The following FILIP1L variants were observed in gnomAD, a reference collection of about 807,000 sequenced individuals.
FILIP1L encodes filamin A interacting protein 1 like.
Under a neutral mutation model 96.6 loss-of-function variants are expected in FILIP1L, and 55 were observed. That is an observed-to-expected ratio of 0.57 (90% CI 0.46 to 0.71). FILIP1L has a LOEUF of 0.71. Ranked by LOEUF, FILIP1L falls within the 30% of genes least tolerant of loss-of-function variation. The probability of loss-of-function intolerance (pLI) is 0.00; values close to 1 mark genes in which losing one functional copy is unlikely to be tolerated. For synonymous variants in FILIP1L, 467 were observed against 473.9 expected (o/e 0.99, Z 0.19); for missense variants, 1,304 against 1,321.2 (o/e 0.99, Z 0.20).
At position 99,848,671 on chromosome 3, in the gene FILIP1L, A is replaced by G. The variant is rs1343988647; in HGVS notation, c.3005T>C (p.Ile1002Thr). The G allele has an allele frequency of 1.9e-6, 3 of 1,614,064 alleles. No homozygotes were observed. The African/African-American group carries it at 4.0e-5, about 22-fold the overall frequency. The part of the protein sequence containing the change: ...SLTPERTMSP[I>T]QVLAVTGSAS... Reference sequence around the variant, plus strand: ...TGAACCAGTCACAGCCAAAACCTGAATAGGGGACATTGTCCTTTCTGGAGT... The same window carrying G: ...TGAACCAGTCACAGCCAAAACCTGAGTAGGGGACATTGTCCTTTCTGGAGT... Residue 1002 changes from isoleucine (I) to threonine (T), a missense_variant, in exon 5 of 6, where the codon ATT becomes ACT. By Grantham distance (89) the Ile-to-Thr change is moderately conservative. Transcript: ENST00000477258.
chr3:99,885,550 T>A (rs1334832809), intron 4 of FILIP1L, among the ~76,000 whole-genome samples: 2 of 152,256 alleles, frequency 1.3e-5, no homozygotes, highest in East Asian at 3.8e-4. Context: ...CTTACTTTGA[T>A]ACTTCTTCAT....
At chr3:99,919,651 A>T (rs1014784147) in intron 4 of FILIP1L, among the ~76,000 whole-genome samples, 2 of 152,040 alleles carry the variant, frequency 1.3e-5, no homozygotes, top group Non-Finnish European at 2.9e-5. Context: ...TGATTTACTC[A>T]GTTAACAGTA....
intron 3 of FILIP1L, among the ~76,000 whole-genome samples, chr3:99,926,085 G>A (rs566788122): frequency 6.6e-6 from 1 of 152,212 alleles, no homozygotes; most frequent in Non-Finnish European, 1.5e-5. Context: ...AAAAGATTTA[G>A]AATGTGTGAC....
intron 1 of FILIP1L, among the ~76,000 whole-genome samples, chr3:99,975,794 A>G (rs562173568): frequency 3.9e-5 from 6 of 152,360 alleles, no homozygotes; most frequent in South Asian, 2.1e-4. Flanking sequence ...AAAGTCGTGT[A>G]TATGTTGAGT....
At chr3:100,029,113 C>T (rs1320262652) in intron 1 of FILIP1L, among the ~76,000 whole-genome samples, 4 of 151,954 alleles carry the variant, frequency 2.6e-5, no homozygotes, top group Non-Finnish European at 1.5e-5. Context: ...ATTGCTTGAG[C>T]TCAGGAGTTC....
chr3:99,838,150 A>G (rs1942975409), intron 5 of FILIP1L, among the ~76,000 whole-genome samples: 1 of 152,226 alleles, frequency 6.6e-6, no homozygotes, highest in South Asian at 2.1e-4. Context: ...TAAAGTGGAC[A>G]CTGACTGCAC....
At chr3:100,064,394 C>A (rs1017607753) in intron 1 of FILIP1L, among the ~76,000 whole-genome samples, 1 of 151,786 alleles carries the variant, frequency 6.6e-6, no homozygotes, top group Non-Finnish European at 1.5e-5. Flanking sequence ...ACCCCCCCAA[C>A]ACCCTTTTTT....
chr3:100,025,623 G>A (rs1202479121), intron 1 of FILIP1L: 2 of 152,168 alleles, frequency 1.3e-5, no homozygotes, highest in Non-Finnish European at 2.9e-5. Context: ...TAGACAAAGT[G>A]AAACAAGTCT....
chr3:99,938,628 G>A (rs1212411205), intron 1 of FILIP1L, among the ~76,000 whole-genome samples: 1 of 152,172 alleles, frequency 6.6e-6, no homozygotes, highest in Non-Finnish European at 1.5e-5. Context: ...CTGAAAGAAT[G>A]GAAAGAGATG....
intron 4 of FILIP1L, among the ~76,000 whole-genome samples, chr3:99,905,616 G>A (rs1706589860): frequency 6.6e-6 from 1 of 152,142 alleles, no homozygotes; most frequent in African/African-American, 2.4e-5. Flanking sequence ...TTACATATGT[G>A]TGTACTATAT....
At chr3:100,051,577 T>A (rs1025481789) in intron 1 of FILIP1L, among the ~76,000 whole-genome samples, 2 of 142,898 alleles carry the variant, frequency 1.4e-5, no homozygotes, top group Admixed American at 1.5e-4. Flanking sequence ...TCATTGTTCA[T>A]TTCCCACCTA....
chr3:100,023,790 C>T (rs1245644723), intron 1 of FILIP1L, among the ~76,000 whole-genome samples: 1 of 152,178 alleles, frequency 6.6e-6, no homozygotes, highest in African/African-American at 2.4e-5. Context: ...CTCTGCATGT[C>T]TTACTCTCAG....
At position 99,830,559 on chromosome 3, in the gene FILIP1L, G is replaced by A. The variant is rs529135563; in HGVS notation, c.3428C>T (p.Pro1143Leu). The change falls in exon 6 of 6, where the codon CCG (proline) becomes CTG (leucine). Residue 1143 changes from proline to leucine, a missense_variant. Transcript: ENST00000477258. ...AATCTTGGTGATGCCTGTAGATTTCGGTTTAGGGATCCGTGCTGGGATTCT... is the reference window on the plus strand; with the variant it reads ...AATCTTGGTGATGCCTGTAGATTTCAGTTTAGGGATCCGTGCTGGGATTCT... ...KQRIPARIPKPKSTGITKIST... is the reference protein window; with the variant it reads ...KQRIPARIPKLKSTGITKIST... 2.0e-3 allele frequency: 914 copies of A among 456,642 alleles called. 12 individuals carry two copies. The highest frequency in any genetic ancestry group is 0.011 in the South Asian group (704 of 64,568). The allele number at this position is 456,642 out of a possible 1,614,324, so 28.3% of individuals were successfully genotyped here. A position where few individuals can be genotyped will look rare whatever the true frequency, so the allele number is the denominator to read the frequency against.
At chr3:99,840,701 A>G (rs554216224) in intron 5 of FILIP1L, among the ~76,000 whole-genome samples, 1 of 152,346 alleles carries the variant, frequency 6.6e-6, no homozygotes, top group Non-Finnish European at 1.5e-5. Context: ...CAAGACTTCA[A>G]ATTCAGAAGT....
chr3:99,998,023 C>G (rs1336578218), intron 1 of FILIP1L, among the ~76,000 whole-genome samples: 2 of 152,182 alleles, frequency 1.3e-5, no homozygotes, highest in African/African-American at 2.4e-5. Context: ...AACCAGTTAA[C>G]TGGTGTGGAA....
At chr3:100,094,959 A>ATTG (rs2066178992) in intron 1 of FILIP1L, among the ~76,000 whole-genome samples, 1 of 152,040 alleles carries the variant, frequency 6.6e-6, no homozygotes, top group Non-Finnish European at 1.5e-5. Context: ...AAGTGCTGGG[A>ATTG]TTACAGGAGT....
chr3:100,038,757 TCCCAAGTAG>T (rs1282004964), intron 1 of FILIP1L, among the ~76,000 whole-genome samples: 1 of 152,124 alleles, frequency 6.6e-6, no homozygotes, highest in Non-Finnish European at 1.5e-5. Flanking sequence ...CACCTCAGCC[TCCCAAGTAG>T]CTGAGATTAC....
intron 1 of FILIP1L, chr3:100,051,117 A>G (rs887798353): frequency 6.6e-6 from 1 of 152,144 alleles, no homozygotes; most frequent in African/African-American, 2.4e-5. Flanking sequence ...ACTTATTATA[A>G]AGACAGTTGT....
rs10935982 is a variant in FILIP1L, at chr3:99,840,221, CTTTTTTTTTTT to C, written c.3381+8063_3381+8073del. 3.0e-3 allele frequency among the ~76,000 whole-genome samples: 303 copies of C among 102,138 alleles called. 8 individuals carry two copies. The Admixed American group carries it at 0.032, about 11-fold the overall frequency. The allele number at this position is 102,138 out of a possible 152,430, so 67.0% of individuals were successfully genotyped here. On this transcript the variant is annotated intron_variant, in intron 5 of 5. Coordinates refer to ENST00000477258, the MANE Select transcript of FILIP1L (RefSeq NM_001387850.1). Reference sequence around the variant, plus strand: ...GGTAAAAGAAATTAATTCGTAGAATCTTTTTTTTTTTTTTTTTTTTTTGAGACAGCCTTGCT... The same window carrying C: ...GGTAAAAGAAATTAATTCGTAGAATCTTTTTTTTTTTGAGACAGCCTTGCT...
Sources: gnomAD v4.1 joint callset for allele counts (sites outside exome capture counted in the v4.1 genomes callset) on GRCh38, gnomAD v4.1.1 for gene constraint, MANE v1.5 for transcripts, NCBI Gene and HGNC (gene_info 2026-07-23, HGNC 2026-07-21) for gene names.